TSPEAR: variants seen among roughly 807,000 people sequenced by gnomAD.
TSPEAR encodes the protein thrombospondin-type laminin G domain and EAR repeat-containing protein.
A neutral mutation model predicts 71.6 loss-of-function variants in TSPEAR; 69 were observed. The ratio of observed to expected loss-of-function variants is 0.96; its 90% confidence interval spans 0.79 to 1.18. The LOEUF (loss-of-function observed/expected upper bound fraction) is 1.18. Ranked by LOEUF, TSPEAR falls within the 50% of genes most tolerant of loss-of-function variation. The pLI is 0.00. For missense variants in TSPEAR, 971 were observed against 894.9 expected, an observed-to-expected ratio of 1.09 and a Z score of -1.09; for synonymous variants, 402 against 387.2, an observed-to-expected ratio of 1.04 and a Z score of -0.45.
intron 9 of TSPEAR, chr21:44,509,797 G>C (rs2052315751): frequency 4.4e-6 from 1 of 228,502 alleles, no homozygotes; most frequent in African/African-American, 2.3e-5. Flanking sequence ...TTGCTTCTCA[G>C]CAATCCATGC....
chr21:44,625,647 G>T (rs587647534), intron 1 of TSPEAR, among the ~76,000 whole-genome samples: 1 of 152,308 alleles, frequency 6.6e-6, no homozygotes, highest in South Asian at 2.1e-4. Flanking sequence ...CGCGGGGAGC[G>T]GCATGGCCTC....
chr21:44,626,600 G>A (rs1271939582), intron 1 of TSPEAR, among the ~76,000 whole-genome samples: 1 of 152,218 alleles, frequency 6.6e-6, no homozygotes, highest in Non-Finnish European at 1.5e-5. Flanking sequence ...GACAGGGTGG[G>A]CAATGAACAG....
In TSPEAR at chr21:44,499,695, G is replaced by C. The variant is rs1292167239; in HGVS notation, c.*88C>G. On this transcript the variant is annotated 3_prime_UTR_variant, in exon 12 of 12. Coordinates refer to ENST00000323084, the MANE Select transcript of TSPEAR (RefSeq NM_144991.3). The stretch of plus-strand genomic sequence containing the variant: ...CCAGGCCCGGGATGCCCTAGGCTGG[G>C]CCCACCTGGACGTCCAGGGTCAGTT... 2 of 1,390,168 alleles carry C rather than the reference G, an allele frequency of 1.4e-6. No homozygotes were observed. The highest frequency in any genetic ancestry group is 3.0e-5 in the African/African-American group (2 of 67,190). 86.1% of individuals were successfully genotyped at this position (1,390,168 alleles called of 1,614,324 possible).
intron 1 of TSPEAR, chr21:44,580,489 G>A (rs1203514823): frequency 6.2e-7 from 1 of 1,613,326 alleles, no homozygotes; most frequent in Admixed American, 1.7e-5. Flanking sequence ...CGGTGCCGCA[G>A]GGGGGCTCAC....
chr21:44,673,644 C>T (rs963392522), intron 1 of TSPEAR, among the ~76,000 whole-genome samples: 1 of 152,176 alleles, frequency 6.6e-6, no homozygotes, highest in African/African-American at 2.4e-5. Flanking sequence ...TTTCATCTAA[C>T]AGCTGCAGAA....
chr21:44,544,061 C>T (rs2053263295), intron 2 of TSPEAR, among the ~76,000 whole-genome samples: 1 of 152,172 alleles, frequency 6.6e-6, no homozygotes, highest in East Asian at 1.9e-4. Flanking sequence ...CTTTCCAGTC[C>T]TGCCCATCAG....
intron 1 of TSPEAR, among the ~76,000 whole-genome samples, chr21:44,656,829 C>G (rs1985177235): frequency 6.6e-6 from 1 of 152,138 alleles, no homozygotes; most frequent in Non-Finnish European, 1.5e-5. Flanking sequence ...AGTACTGTCT[C>G]ATATGTCTTT....
intron 2 of TSPEAR, among the ~76,000 whole-genome samples, chr21:44,561,982 G>A (rs587674993): frequency 4.6e-5 from 7 of 152,190 alleles, no homozygotes; most frequent in African/African-American, 1.7e-4. Flanking sequence ...TCTGAACAGG[G>A]CAATCAGGCA....
chr21:44,618,147 C>A (rs1356913438), intron 1 of TSPEAR, among the ~76,000 whole-genome samples: 1 of 152,162 alleles, frequency 6.6e-6, no homozygotes, highest in Non-Finnish European at 1.5e-5. Flanking sequence ...AGGGAGAGAC[C>A]TGGTGGGAAG....
At chr21:44,653,342 C>T (rs1268330626) in intron 1 of TSPEAR, among the ~76,000 whole-genome samples, 3 of 152,090 alleles carry the variant, frequency 2.0e-5, no homozygotes, top group Admixed American at 6.6e-5. Context: ...GCTGACCTCC[C>T]GCCACCTGCA....
chr21:44,651,877 T>C (rs1450239353), intron 1 of TSPEAR, among the ~76,000 whole-genome samples: 1 of 151,944 alleles, frequency 6.6e-6, no homozygotes, highest in African/African-American at 2.4e-5. Flanking sequence ...TTTTAAAAAA[T>C]GAAAGTTAGT....
At chr21:44,596,278 C>T (rs587763281) in intron 1 of TSPEAR, among the ~76,000 whole-genome samples, 2 of 152,300 alleles carry the variant, frequency 1.3e-5, no homozygotes, top group East Asian at 1.9e-4. Context: ...AGAGTCCTCC[C>T]GAGACGAGCA....
At chr21:44,605,536 C>A (rs116378932) in intron 1 of TSPEAR, among the ~76,000 whole-genome samples, 1 of 152,174 alleles carries the variant, frequency 6.6e-6, no homozygotes, top group African/African-American at 2.4e-5. Context: ...AGGCATCACA[C>A]TCCCTAATTT....
chr21:44,518,841 T>C, intron 9 of TSPEAR: 1 of 381,558 alleles, frequency 2.6e-6, no homozygotes, highest in Non-Finnish European at 5.5e-6. Flanking sequence ...TCTGCATGTG[T>C]GAGCCTGGGG....
At chr21:44,638,375 GAACT>G in intron 1 of TSPEAR, 1 of 359,596 alleles carries the variant, frequency 2.8e-6, no homozygotes, top group Non-Finnish European at 5.1e-6. Context: ...AAGTTCTGCA[GAACT>G]AACCCCCAGC....
At position 44,546,008 on chromosome 21, in the gene TSPEAR, G is replaced by C. The variant is rs1420523416; in HGVS notation, c.304-12085C>G. On this transcript the variant is annotated intron_variant, in intron 2 of 11. Transcript: ENST00000323084. This position sits in a 1 kb window ranked among gnomAD's most constrained non-coding sequence, Gnocchi z 4.4. ...CAACAGATTTGACAAATCTTTATCTGTCTAGATCTTTATCTAGACAAATAT... is the reference window on the plus strand; with the variant it reads ...CAACAGATTTGACAAATCTTTATCTCTCTAGATCTTTATCTAGACAAATAT... 6.6e-6 allele frequency among the ~76,000 whole-genome samples: 1 copy of C among 152,134 alleles called. No individual in the cohort carries two copies. The highest frequency in any genetic ancestry group is 1.5e-5 in the Non-Finnish European group (1 of 68,024).
intron 1 of TSPEAR, chr21:44,675,862 T>C (rs1986289765): frequency 3.0e-6 from 2 of 676,838 alleles, no homozygotes; most frequent in African/African-American, 1.8e-5. Context: ...AAAATCTTCC[T>C]AGACCTTACT....
intron 1 of TSPEAR, among the ~76,000 whole-genome samples, chr21:44,648,977 G>A (rs587771905): frequency 2.0e-5 from 3 of 152,346 alleles, no homozygotes; most frequent in East Asian, 1.9e-4. Flanking sequence ...CGACAGCTCC[G>A]AGTGCTCTGC....
Position 44,561,557 on chromosome 21 carries a change from T to A in TSPEAR, c.303+6228A>T, listed in dbSNP as rs587762539. ...GAAAACTTCAGGCCAATATCCCTGA[T>A]GAACACTGATGTAAAAATCCTCAAT... On this transcript the variant is annotated intron_variant, in intron 2 of 11. Coordinates refer to ENST00000323084, the MANE Select transcript of TSPEAR (RefSeq NM_144991.3). 1.7e-3 allele frequency among the ~76,000 whole-genome samples: 266 copies of A among 152,302 alleles called. 1 individual carries two copies. Among genetic ancestry groups the A allele is most frequent in the African/African-American group, 5.9e-3 (247 of 41,568 alleles).
Sources: gnomAD v4.1 joint callset for allele counts (sites outside exome capture counted in the v4.1 genomes callset) on GRCh38, gnomAD v4.1.1 for gene constraint, Gnocchi (gnomAD v3.1) non-coding constraint, MANE v1.5 for transcripts, NCBI Gene and HGNC (gene_info 2026-07-23, HGNC 2026-07-21) for gene names.